The following NYAP2 variants were observed in gnomAD, a reference collection of about 807,000 sequenced individuals.
The protein encoded by NYAP2 is neuronal tyrosine-phosphorylated phosphoinositide-3-kinase adaptor 2.
NYAP2 carries 23 observed loss-of-function variants against 50.4 expected under a neutral mutation model. The observed-to-expected ratio is 0.46, with a 90% CI of 0.33 to 0.65. NYAP2 has a LOEUF of 0.65. NYAP2 is among the 30% of genes least tolerant of loss of function. The pLI is 0.02. For synonymous variants in NYAP2, 394 were observed against 365.2 expected (o/e 1.08, Z -0.90); for missense variants, 885 against 861.0 (o/e 1.03, Z -0.35).
intron 3 of NYAP2, among the ~76,000 whole-genome samples, chr2:225,468,697 G>T (rs563906093): frequency 2.6e-5 from 4 of 152,228 alleles, no homozygotes; most frequent in African/African-American, 9.6e-5. Context: ...CAAAACCATT[G>T]ATTTAAATAA....
chr2:225,552,114 T>G (rs994174029), intron 4 of NYAP2, among the ~76,000 whole-genome samples: 1 of 152,152 alleles, frequency 6.6e-6, no homozygotes, highest in African/African-American at 2.4e-5. Context: ...CACCTGGCAC[T>G]TCTTTCTTTT....
intron 5 of NYAP2, among the ~76,000 whole-genome samples, chr2:225,583,826 G>T (rs928914384): frequency 6.6e-6 from 1 of 152,168 alleles, no homozygotes; most frequent in African/African-American, 2.4e-5. Flanking sequence ...AGATCACGAG[G>T]CCAGGCGATC....
the NYAP2 span, among the ~76,000 whole-genome samples, chr2:225,696,380 A>T: frequency 9.9e-5 from 15 of 151,942 alleles, no homozygotes; most frequent in Admixed American, 9.2e-4. Flanking sequence ...TCAGTGTTAG[A>T]ATAATAAGAC....
At chr2:225,526,351 C>T (rs1227533676) in intron 4 of NYAP2, among the ~76,000 whole-genome samples, 1 of 152,140 alleles carries the variant, frequency 6.6e-6, no homozygotes, top group African/African-American at 2.4e-5. Context: ...GCTTGATAAC[C>T]CTACTTCCCT....
intron 3 of NYAP2, among the ~76,000 whole-genome samples, chr2:225,506,123 A>G (rs1308732839): frequency 6.6e-6 from 1 of 152,244 alleles, no homozygotes; most frequent in African/African-American, 2.4e-5. Flanking sequence ...ATCCCTGGGA[A>G]GCAAAAGTGA....
At chr2:225,457,596 A>G (rs932042001) in intron 3 of NYAP2, among the ~76,000 whole-genome samples, 5 of 152,246 alleles carry the variant, frequency 3.3e-5, no homozygotes, top group Admixed American at 1.3e-4. Context: ...CCCTGAGTCC[A>G]GGGAACACGA....
chr2:225,642,994 C>A (rs946603352), intron 6 of NYAP2, among the ~76,000 whole-genome samples: 1 of 151,976 alleles, frequency 6.6e-6, no homozygotes, highest in African/African-American at 2.4e-5. Flanking sequence ...AAAACAAATA[C>A]ACAGACAAAA....
At chr2:225,535,941 A>T (rs1261417539) in intron 4 of NYAP2, among the ~76,000 whole-genome samples, 4 of 152,202 alleles carry the variant, frequency 2.6e-5, no homozygotes, top group Non-Finnish European at 5.9e-5. Context: ...TGACATAAAG[A>T]TCCTAGACTC....
intron 5 of NYAP2, among the ~76,000 whole-genome samples, chr2:225,622,654 A>G (rs1381066487): frequency 2.0e-5 from 3 of 148,768 alleles, no homozygotes; most frequent in Non-Finnish European, 4.4e-5. Flanking sequence ...ATCTTGGATC[A>G]CTGCAACCTC....
At chr2:225,605,387 T>C (rs1692768090) in intron 5 of NYAP2, among the ~76,000 whole-genome samples, 1 of 152,148 alleles carries the variant, frequency 6.6e-6, no homozygotes. Context: ...TACTGTGAAG[T>C]GTTAAATACA....
chr2:225,659,527 G>C, the NYAP2 span, among the ~76,000 whole-genome samples: 1 of 152,050 alleles, frequency 6.6e-6, no homozygotes, highest in Non-Finnish European at 1.5e-5. Context: ...CTTATCCAAA[G>C]TTTTGTATTT....
downstream of NYAP2, among the ~76,000 whole-genome samples, chr2:225,658,432 A>C (rs1057291459): frequency 6.6e-6 from 1 of 152,220 alleles, no homozygotes; most frequent in African/African-American, 2.4e-5. Context: ...AAAAGAAATT[A>C]TGCTACAAAG....
At chr2:225,540,594 G>A (rs1029860721) in intron 4 of NYAP2, among the ~76,000 whole-genome samples, 5 of 152,184 alleles carry the variant, frequency 3.3e-5, no homozygotes, top group African/African-American at 4.8e-5. Flanking sequence ...GGAAATTCAA[G>A]ATGAGATTTG....
intron 3 of NYAP2, among the ~76,000 whole-genome samples, chr2:225,464,334 T>C (rs987758670): frequency 3.9e-5 from 6 of 152,150 alleles, no homozygotes; most frequent in Non-Finnish European, 5.9e-5. Flanking sequence ...CAAGGGCACC[T>C]TGTGATAAAC....
intron 2 of NYAP2, among the ~76,000 whole-genome samples, chr2:225,408,562 T>C (rs1002937939): frequency 6.6e-6 from 1 of 152,068 alleles, no homozygotes; most frequent in Non-Finnish European, 1.5e-5. Context: ...AAAATTATTA[T>C]TGTAATTATG....
intron 3 of NYAP2, among the ~76,000 whole-genome samples, chr2:225,454,757 G>T (rs559529195): frequency 6.6e-6 from 1 of 152,246 alleles, no homozygotes; most frequent in Non-Finnish European, 1.5e-5. Flanking sequence ...AGGTGGAACA[G>T]TTTCATCCCA....
chr2:225,487,599 A>G (rs1219348201), intron 3 of NYAP2, among the ~76,000 whole-genome samples: 1 of 152,006 alleles, frequency 6.6e-6, no homozygotes, highest in Non-Finnish European at 1.5e-5. Flanking sequence ...ACCTCAAGTG[A>G]TCCAACTGCT....
the NYAP2 span, among the ~76,000 whole-genome samples, chr2:225,688,897 C>G: frequency 1.3e-5 from 2 of 152,042 alleles, no homozygotes; most frequent in Non-Finnish European, 2.9e-5. Context: ...TGTACACCAC[C>G]GTGCCTGGCT....
At chr2:225,506,325 A>C (rs1402092224) in intron 3 of NYAP2, among the ~76,000 whole-genome samples, 1 of 152,190 alleles carries the variant, frequency 6.6e-6, no homozygotes, top group East Asian at 1.9e-4. Context: ...ACTCAAGGCC[A>C]ATGGGGCTGG....
Sources: gnomAD v4.1 joint callset for allele counts (sites outside exome capture counted in the v4.1 genomes callset) on GRCh38, gnomAD v4.1.1 for gene constraint, MANE v1.5 for transcripts, NCBI Gene and HGNC (gene_info 2026-07-23, HGNC 2026-07-21) for gene names.